PRKN: variants seen among roughly 807,000 people sequenced by gnomAD.
PRKN encodes parkin RBR E3 ubiquitin protein ligase.
PRKN carries 56 observed loss-of-function variants against 59.5 expected under a neutral mutation model. The ratio of observed to expected loss-of-function variants is 0.94; its 90% CI spans 0.76 to 1.18. PRKN has a LOEUF of 1.18. Among genes scored for constraint, PRKN ranks in the 50% most tolerant of loss-of-function variants. The pLI is 0.00. For synonymous variants in PRKN, 250 were observed against 222.1 expected (o/e 1.13, Z -1.12); for missense variants, 657 against 596.4 (o/e 1.10, Z -1.06).
chr6:161,740,434 CTT>C (rs914143924), intron 7 of PRKN, among the ~76,000 whole-genome samples: 17 of 152,162 alleles, frequency 1.1e-4, no homozygotes, highest in African/African-American at 3.4e-4. Context: ...CTGCAGGGCT[CTT>C]TTACCTGTGA....
chr6:162,475,166 T>C (rs147142460), intron 1 of PRKN, among the ~76,000 whole-genome samples: 1,900 of 152,048 alleles, frequency 0.012, 70 homozygotes, highest in Admixed American at 0.075. Flanking sequence ...GCAAGAAAAA[T>C]TATTCAAAAA....
chr6:162,061,606 T>A (rs762502146), intron 4 of PRKN, among the ~76,000 whole-genome samples: 1 of 152,184 alleles, frequency 6.6e-6, no homozygotes, highest in African/African-American at 2.4e-5. Context: ...TGAGCATCCA[T>A]CTTCCTTCAT....
At chr6:161,690,361 C>A (rs956996310) in intron 7 of PRKN, among the ~76,000 whole-genome samples, 1 of 152,220 alleles carries the variant, frequency 6.6e-6, no homozygotes, top group African/African-American at 2.4e-5. Context: ...TGAATTGGAA[C>A]TTTCCTCTAA....
rs561401531 is a variant in PRKN, at chr6:162,589,660, C to G, written c.7+138002G>C. 5.9e-5 allele frequency among the ~76,000 whole-genome samples: 9 copies of G among 152,250 alleles called. No homozygotes were observed. The South Asian group carries it at 1.7e-3, about 28-fold the overall frequency. On this transcript the variant is annotated intron_variant, in intron 1 of 11. Coordinates refer to ENST00000366898, the MANE Select transcript of PRKN (RefSeq NM_004562.3). ...TAATGAATGTGGCTCTAAGCCTTCC[C>G]AGATACTCATAACAGCAACATTTAT...
chr6:161,537,691 T>A (rs886999926), intron 9 of PRKN, among the ~76,000 whole-genome samples: 111 of 152,278 alleles, frequency 7.3e-4, no homozygotes, highest in African/African-American at 2.6e-3. Context: ...GACCTCGTGA[T>A]CCGCCCGCCT....
At chr6:161,960,153 G>A (rs1192343789) in intron 6 of PRKN, among the ~76,000 whole-genome samples, 1 of 151,974 alleles carries the variant, frequency 6.6e-6, no homozygotes, top group East Asian at 1.9e-4. Context: ...CCACCACACT[G>A]GAAAAAAAAC....
At chr6:161,968,539 A>G (rs1784589) in intron 6 of PRKN, among the ~76,000 whole-genome samples, 73,350 of 151,882 alleles carry the variant, frequency 0.48, 17,862 homozygotes, top group Middle Eastern at 0.59. Context: ...TTACAATTTT[A>G]TTTTTATTTC....
chr6:161,756,442 GAAAAAAAAAA>G (rs57399165), intron 7 of PRKN, among the ~76,000 whole-genome samples: 1 of 74,724 alleles, frequency 1.3e-5, no homozygotes, highest in Non-Finnish European at 2.4e-5. Context: ...ACCTTGTCTC[GAAAAAAAAAA>G]AAAAAAAAAA....
chr6:161,670,762 G>C (rs968432565), intron 7 of PRKN, among the ~76,000 whole-genome samples: 1 of 152,144 alleles, frequency 6.6e-6, no homozygotes, highest in Non-Finnish European at 1.5e-5. Flanking sequence ...CTTGCAGTGA[G>C]CTGAAATAAT....
chr6:161,897,323 T>C (rs991441929), intron 6 of PRKN, among the ~76,000 whole-genome samples: 1 of 152,234 alleles, frequency 6.6e-6, no homozygotes, highest in Non-Finnish European at 1.5e-5. Flanking sequence ...TTCTCTCCTA[T>C]CATCCCTCTC....
At chr6:162,559,732 AC>A (rs1482998766) in intron 1 of PRKN, among the ~76,000 whole-genome samples, 1 of 152,212 alleles carries the variant, frequency 6.6e-6, no homozygotes, top group Non-Finnish European at 1.5e-5. Context: ...ACTTTTAAAA[AC>A]ATCTCCACCT....
intron 7 of PRKN, among the ~76,000 whole-genome samples, chr6:161,745,138 C>G (rs1409336757): frequency 6.6e-6 from 1 of 152,158 alleles, no homozygotes. Context: ...AAGCCATTAC[C>G]TATAATATAG....
chr6:162,066,739 G>T (rs534914542), intron 4 of PRKN, among the ~76,000 whole-genome samples: 1 of 152,278 alleles, frequency 6.6e-6, no homozygotes, highest in South Asian at 2.1e-4. Context: ...TTCTTTTTAA[G>T]TTACTCAGAC....
In PRKN at chr6:161,398,543, C is replaced by T. The variant is rs756027975; in HGVS notation, c.1084-11666G>A. ...TAGCTCATTCATTCAACCAAAAGTT[C>T]CTACTCAGGAACTCCACTCAGAATG... On this transcript the variant is annotated intron_variant, in intron 9 of 11. Transcript: ENST00000366898. 4.7e-4 allele frequency among the ~76,000 whole-genome samples: 72 copies of T among 152,264 alleles called. 1 individual carries two copies. Among genetic ancestry groups the T allele is most frequent in the Non-Finnish European group, 9.3e-4 (63 of 68,020 alleles).
chr6:162,216,180 C>G (rs1455907968), intron 3 of PRKN, among the ~76,000 whole-genome samples: 1 of 152,136 alleles, frequency 6.6e-6, no homozygotes, highest in Non-Finnish European at 1.5e-5. Context: ...CACTTTCTAA[C>G]TAGATTTTCC....
chr6:162,703,721 A>C (rs1164718950), intron 1 of PRKN, among the ~76,000 whole-genome samples: 2 of 152,204 alleles, frequency 1.3e-5, no homozygotes, highest in African/African-American at 4.8e-5. Context: ...GAGGGTCGTG[A>C]GTAGAGCCTG....
In PRKN at chr6:161,532,304, T is replaced by C. The variant is rs368985724; in HGVS notation, c.1083+16550A>G. Among the ~76,000 whole-genome samples, 14 of 152,194 alleles carry C rather than the reference T, an allele frequency of 9.2e-5. No individual in the cohort carries two copies. The East Asian group carries it at 1.4e-3, about 15-fold the overall frequency. ...AAATTAAAATTCGCAAGTTTTAGGG[T>C]TCACTTAAGCAAAAAAATAACTTTT... On this transcript the variant is annotated intron_variant, in intron 9 of 11. Transcript: ENST00000366898.
chr6:162,065,619 G>A (rs1353466847), intron 4 of PRKN, among the ~76,000 whole-genome samples: 4 of 151,260 alleles, frequency 2.6e-5, no homozygotes, highest in Admixed American at 6.6e-5. Flanking sequence ...CGTGCACAAC[G>A]TGCAGGTTTG....
intron 5 of PRKN, among the ~76,000 whole-genome samples, chr6:162,036,108 A>T (rs1783830242): frequency 6.6e-6 from 1 of 151,860 alleles, no homozygotes; most frequent in Non-Finnish European, 1.5e-5. Context: ...GCGGATCACG[A>T]GGTCAGGAGA....
Sources: allele counts gnomAD v4.1 joint callset (sites outside exome capture counted in the v4.1 genomes callset), GRCh38; gene constraint gnomAD v4.1.1; transcripts MANE v1.5; gene names NCBI Gene and HGNC (gene_info 2026-07-23, HGNC 2026-07-21).